SPINT2: variants seen among roughly 807,000 people sequenced by gnomAD.
The protein encoded by SPINT2 is kunitz-type protease inhibitor 2.
SPINT2 carries 18 observed loss-of-function variants against 30.1 expected under a neutral mutation model. That is an observed-to-expected ratio of 0.60 (90% CI 0.41 to 0.89). The LOEUF is 0.89. Among genes scored for constraint, SPINT2 ranks in the 40% least tolerant of loss-of-function variants. The probability of loss-of-function intolerance (pLI) is 0.00; values close to 1 mark genes in which losing one functional copy is unlikely to be tolerated. For synonymous variants in SPINT2, 139 were observed against 137.9 expected (o/e 1.01, Z -0.05); for missense variants, 276 against 334.3 (o/e 0.83, Z 1.36).
intron 1 of SPINT2, among the ~76,000 whole-genome samples, chr19:38,270,554 C>T (rs1181284046): frequency 6.6e-6 from 1 of 152,174 alleles, no homozygotes; most frequent in East Asian, 1.9e-4. Flanking sequence ...GTGTGCTTAG[C>T]ACTGAAAATG....
At chr19:38,268,183 T>G (rs766077086) in intron 1 of SPINT2, among the ~76,000 whole-genome samples, 7 of 151,954 alleles carry the variant, frequency 4.6e-5, no homozygotes, top group Non-Finnish European at 1.0e-4. Context: ...ATGATTGATG[T>G]GTTGGTGACG....
intron 1 of SPINT2, among the ~76,000 whole-genome samples, chr19:38,278,451 G>A (rs1968544126): frequency 6.6e-6 from 1 of 152,170 alleles, no homozygotes. Context: ...ATATTATTAC[G>A]TGATTCACAG....
At chr19:38,285,351 T>G (rs1222056414) in intron 2 of SPINT2, among the ~76,000 whole-genome samples, 1 of 152,120 alleles carries the variant, frequency 6.6e-6, no homozygotes, top group Non-Finnish European at 1.5e-5. Context: ...GTTAAAGATT[T>G]TCACTTTTTT....
Position 38,264,608 on chromosome 19 carries a change from T to G in SPINT2, c.-285T>G. On this transcript the variant is annotated 5_prime_UTR_variant, in exon 1 of 7. Transcript: ENST00000301244. ...CTGGCGACCTCCGCGCGTTGGGAGG[T>G]GTAGCGCGGCTCTGAACGCGCTGAG... The G allele has an allele frequency of 7.5e-6, 3 of 400,244 alleles. No individual in the cohort carries two copies. Among genetic ancestry groups the G allele is most frequent in the Non-Finnish European group, 1.4e-5 (3 of 217,974 alleles). The allele number at this position is 400,244 out of a possible 1,614,324, so 24.8% of individuals were successfully genotyped here. A position where few individuals can be genotyped will look rare whatever the true frequency, so the allele number is the denominator to read the frequency against.
At chr19:38,285,589 C>G (rs1010329565) in intron 2 of SPINT2, among the ~76,000 whole-genome samples, 11 of 152,170 alleles carry the variant, frequency 7.2e-5, no homozygotes, top group Non-Finnish European at 1.3e-4. Context: ...AAGCAATCTG[C>G]CTGCCTCCCA....
intron 1 of SPINT2, chr19:38,265,757 G>A (rs1968370687): frequency 6.6e-6 from 1 of 152,416 alleles, no homozygotes; most frequent in Non-Finnish European, 1.5e-5. Context: ...TTTGAAAAGA[G>A]CTCTCTTGAA....
chr19:38,265,433 C>T (rs142088637), intron 1 of SPINT2: 444 of 154,428 alleles, frequency 2.9e-3, no homozygotes, highest in Non-Finnish European at 3.5e-3. Context: ...GGAAGAAGCC[C>T]ATCTCACCCC....
In SPINT2 at chr19:38,289,038, C is replaced by T. The variant is rs755302689; in HGVS notation, c.338-100C>T. The T allele has an allele frequency of 5.7e-6, 6 of 1,045,394 alleles. No individual in the cohort carries two copies. The East Asian group carries it at 7.1e-5, about 12-fold the overall frequency. The allele number at this position is 1,045,394 out of a possible 1,614,324, so 64.8% of individuals were successfully genotyped here. On this transcript the variant is annotated intron_variant, in intron 3 of 6. Transcript: ENST00000301244. ...GGGGCTACACACCCCTTCTTAAAGGCGTGTCCACACTCCTCAGTGGGCCCT... is the reference window on the plus strand; with the variant it reads ...GGGGCTACACACCCCTTCTTAAAGGTGTGTCCACACTCCTCAGTGGGCCCT...
At chr19:38,278,068 G>T (rs998477777) in intron 1 of SPINT2, among the ~76,000 whole-genome samples, 3 of 152,120 alleles carry the variant, frequency 2.0e-5, no homozygotes. Context: ...CATAATAATA[G>T]AATTCCTCAT....
intron 2 of SPINT2, among the ~76,000 whole-genome samples, chr19:38,286,581 C>T (rs1041041052): frequency 6.6e-6 from 1 of 152,092 alleles, no homozygotes; most frequent in African/African-American, 2.4e-5. Context: ...GAGATCGAGA[C>T]CATCCTGGCT....
rs1968708945 is a variant in SPINT2, at chr19:38,290,785, AGG to A, written c.592+211_592+212del. 2 of 714,324 alleles carry A rather than the reference AGG, an allele frequency of 2.8e-6. No individual in the cohort carries two copies. Among genetic ancestry groups the A allele is most frequent in the African/African-American group, 3.5e-5 (2 of 57,368 alleles). 44.2% of individuals were successfully genotyped at this position (714,324 alleles called of 1,614,324 possible). ...GGCTGGAGTGAGTCAGTCACAAGGC[AGG>A]CCCTGCCCAGGCGGCGTGGGTGACT... On this transcript the variant is annotated intron_variant, in intron 6 of 6. Transcript: ENST00000301244. This position sits in a 1 kb window ranked among gnomAD's most constrained non-coding sequence, Gnocchi z 4.3.
chr19:38,285,731 TG>T (rs1222055770), intron 2 of SPINT2, among the ~76,000 whole-genome samples: 1 of 152,210 alleles, frequency 6.6e-6, no homozygotes, highest in African/African-American at 2.4e-5. Flanking sequence ...CCCCCTAACA[TG>T]TTTTTTTGAT....
chr19:38,274,532 G>A (rs1968493953), intron 1 of SPINT2, among the ~76,000 whole-genome samples: 1 of 152,070 alleles, frequency 6.6e-6, no homozygotes, highest in Non-Finnish European at 1.5e-5. Context: ...GTGTTCTGCA[G>A]TGTTTTTCGC....
In SPINT2 at chr19:38,264,954, T is replaced by A. The variant is rs1306363755; in HGVS notation, c.62T>A (p.Leu21His). ...RAFLALLGSL[L>H]LSGVLAADRE... ...TTTCTCGCCCTGCTGGGATCGCTGC[T>A]CCTCTCTGGGGTCCTGGCGGCCGAC... is the stretch of plus-strand genomic sequence containing the variant. Residue 21 changes from leucine to histidine, a missense_variant, in exon 1 of 7, where the codon CTC becomes CAC. Transcript: ENST00000301244. 4 of 1,536,108 alleles carry A rather than the reference T, an allele frequency of 2.6e-6. No individual in the cohort carries two copies. Among genetic ancestry groups the A allele is most frequent in the Non-Finnish European group, 3.5e-6 (4 of 1,145,438 alleles).
intron 2 of SPINT2, among the ~76,000 whole-genome samples, chr19:38,284,947 C>T (rs1434192332): frequency 1.3e-5 from 2 of 152,100 alleles, no homozygotes; most frequent in Admixed American, 6.6e-5. Flanking sequence ...AACTTCTGGC[C>T]TCAGGTGATC....
intron 1 of SPINT2, among the ~76,000 whole-genome samples, chr19:38,276,010 A>C (rs946636779): frequency 2.0e-5 from 3 of 152,008 alleles, no homozygotes; most frequent in Non-Finnish European, 2.9e-5. Flanking sequence ...TACAGGTGTG[A>C]GCCACCACGC....
intron 2 of SPINT2, among the ~76,000 whole-genome samples, chr19:38,285,381 G>A (rs921506613): frequency 2.0e-5 from 3 of 151,996 alleles, no homozygotes; most frequent in Admixed American, 6.6e-5. Context: ...TCGCTTAGTC[G>A]CCTACCAGGC....
chr19:38,284,714 A>T (rs369799352), intron 2 of SPINT2, among the ~76,000 whole-genome samples: 3 of 152,236 alleles, frequency 2.0e-5, no homozygotes, highest in African/African-American at 7.2e-5. Flanking sequence ...ATCCACTCCG[A>T]CAGGGCTGCC....
intron 1 of SPINT2, among the ~76,000 whole-genome samples, chr19:38,270,794 C>T (rs1568338612): frequency 6.6e-6 from 1 of 152,222 alleles, no homozygotes; most frequent in Non-Finnish European, 1.5e-5. Flanking sequence ...TGCAGAGCTT[C>T]TGTTTGCCAT....
Sources: gnomAD v4.1 joint callset for allele counts (sites outside exome capture counted in the v4.1 genomes callset) on GRCh38, gnomAD v4.1.1 for gene constraint, Gnocchi (gnomAD v3.1) non-coding constraint, MANE v1.5 for transcripts, NCBI Gene and HGNC (gene_info 2026-07-23, HGNC 2026-07-21) for gene names.